Variants in CWF19L2 observed in about 807,000 individuals in gnomAD.
CWF19L2 encodes CWF19 like cell cycle control factor 2.
A neutral mutation model predicts 111.7 loss-of-function variants in CWF19L2; 98 were observed. The observed-to-expected ratio is 0.88, with a 90% CI of 0.75 to 1.04. The LOEUF is 1.04. Among genes scored for constraint, CWF19L2 ranks in the 50% least tolerant of loss-of-function variants. The pLI, the probability that CWF19L2 is intolerant of heterozygous loss-of-function variation, is 0.00. For synonymous variants in CWF19L2, 351 were observed against 342.9 expected (o/e 1.02, Z -0.26); for missense variants, 1,101 against 1,051.4 (o/e 1.05, Z -0.65).
intron 2 of CWF19L2, among the ~76,000 whole-genome samples, chr11:107,454,988 C>T (rs1391485116): frequency 1.3e-5 from 2 of 151,870 alleles, no homozygotes; most frequent in African/African-American, 4.8e-5. Flanking sequence ...CAAGATAGCA[C>T]AAATTAAAAT....
intron 12 of CWF19L2, among the ~76,000 whole-genome samples, chr11:107,380,046 C>CAAAAAAAAAAAA (rs66699460): frequency 6.4e-4 from 22 of 34,484 alleles, no homozygotes; most frequent in East Asian, 1.1e-3. Context: ...GACACCGTCT[C>CAAAAAAAAAAAA]AAAAAAAAAA....
At chr11:107,359,189 A>G (rs1178531029) in intron 12 of CWF19L2, among the ~76,000 whole-genome samples, 1 of 152,198 alleles carries the variant, frequency 6.6e-6, no homozygotes, top group Non-Finnish European at 1.5e-5. Context: ...GCCCGATAGG[A>G]TAACTCTCCC....
At chr11:107,346,799 C>T (rs565574102) in intron 14 of CWF19L2, among the ~76,000 whole-genome samples, 1 of 152,304 alleles carries the variant, frequency 6.6e-6, no homozygotes, top group East Asian at 1.9e-4. Flanking sequence ...TTCAACACTG[C>T]CACCTCCAGC....
intron 12 of CWF19L2, among the ~76,000 whole-genome samples, chr11:107,360,411 A>G (rs1565252415): frequency 1.3e-5 from 2 of 152,376 alleles, no homozygotes; most frequent in Non-Finnish European, 2.9e-5. Flanking sequence ...TGATTACATT[A>G]TCTTTAATCT....
chr11:107,401,518 C>T (rs1478514669), intron 10 of CWF19L2, among the ~76,000 whole-genome samples: 1 of 151,874 alleles, frequency 6.6e-6, no homozygotes, highest in Non-Finnish European at 1.5e-5. Flanking sequence ...AGGAATATAC[C>T]TAACAAAAGA....
At chr11:107,452,891 T>C (rs1400862932) in intron 3 of CWF19L2, among the ~76,000 whole-genome samples, 1 of 152,086 alleles carries the variant, frequency 6.6e-6, no homozygotes, top group Non-Finnish European at 1.5e-5. Context: ...GCAGCAGGAT[T>C]GCTTGAGCCC....
chr11:107,453,317 T>C (rs1481328591), intron 3 of CWF19L2, among the ~76,000 whole-genome samples: 1 of 152,104 alleles, frequency 6.6e-6, no homozygotes, highest in Admixed American at 6.5e-5. Context: ...AATGGACAGG[T>C]GGTTGGGGGG....
intron 12 of CWF19L2, among the ~76,000 whole-genome samples, chr11:107,377,999 A>G (rs1860619469): frequency 6.6e-6 from 1 of 152,034 alleles, no homozygotes. Context: ...TTATGCAGCC[A>G]AAAAACACAT....
At chr11:107,431,399 T>C (rs969248920) in intron 7 of CWF19L2, among the ~76,000 whole-genome samples, 1 of 151,934 alleles carries the variant, frequency 6.6e-6, no homozygotes, top group Non-Finnish European at 1.5e-5. Flanking sequence ...GCATAATAAC[T>C]GCACAGAGAA....
At chr11:107,341,382 G>T (rs1860002789) in intron 14 of CWF19L2, among the ~76,000 whole-genome samples, 1 of 152,096 alleles carries the variant, frequency 6.6e-6, no homozygotes, top group South Asian at 2.1e-4. Flanking sequence ...GAACATGGTG[G>T]ATTATAATGA....
intron 12 of CWF19L2, among the ~76,000 whole-genome samples, chr11:107,384,556 C>T (rs1007521934): frequency 6.6e-6 from 1 of 152,124 alleles, no homozygotes; most frequent in Non-Finnish European, 1.5e-5. Context: ...TATCTAAATT[C>T]AAATACATTT....
chr11:107,416,424 T>C lies in CWF19L2; in HGVS notation c.1528-126A>G, dbSNP rs117190574. The C allele has an allele frequency of 4.2e-3, 1,600 of 380,414 alleles. 41 individuals carry two copies. In the East Asian group the frequency reaches 0.051, roughly 12 times the overall value. 23.6% of individuals were successfully genotyped at this position (380,414 alleles called of 1,614,324 possible). A position where few individuals can be genotyped will look rare whatever the true frequency, so the allele number is the denominator to read the frequency against. ...ACACTCATGTAGCCTTCATCTAATT[T>C]CAATTACCAACCCATAGCCTAGTAT... is the stretch of plus-strand genomic sequence containing the variant. On this transcript the variant is annotated intron_variant, in intron 9 of 17. Coordinates refer to ENST00000282251, the MANE Select transcript of CWF19L2 (RefSeq NM_152434.3).
chr11:107,331,600 T>C (rs545724585), intron 16 of CWF19L2, among the ~76,000 whole-genome samples: 7 of 152,352 alleles, frequency 4.6e-5, no homozygotes, highest in Admixed American at 1.3e-4. Flanking sequence ...GCAGGCATGC[T>C]GACACCTTGA....
At chr11:107,438,271 A>G (rs1390067756) in intron 6 of CWF19L2, among the ~76,000 whole-genome samples, 1 of 152,224 alleles carries the variant, frequency 6.6e-6, no homozygotes, top group African/African-American at 2.4e-5. Context: ...AGGTGTCAGC[A>G]CAACACTTAA....
chr11:107,439,035 G>GAA (rs375132996), intron 6 of CWF19L2, 55 bp downstream of exon 6: 91,453 of 286,510 alleles, frequency 0.32, 9,191 homozygotes, highest in African/African-American at 0.5. Flanking sequence ...ACTCTGTCTC[G>GAA]AAAAAAAAAA....
chr11:107,441,448 T>C, intron 5 of CWF19L2, 55 bp downstream of exon 5: 4 of 1,403,456 alleles, frequency 2.9e-6, no homozygotes, highest in Non-Finnish European at 3.7e-6. Flanking sequence ...ATAAATGTCT[T>C]GTAAGTTTAT....
chr11:107,395,001 G>A (rs766685913), intron 10 of CWF19L2, among the ~76,000 whole-genome samples: 1 of 152,186 alleles, frequency 6.6e-6, no homozygotes, highest in Non-Finnish European at 1.5e-5. Flanking sequence ...AATCCATGAT[G>A]AGGTAAGTAT....
intron 12 of CWF19L2, among the ~76,000 whole-genome samples, chr11:107,385,205 A>T (rs1177940907): frequency 6.6e-6 from 1 of 152,190 alleles, no homozygotes; most frequent in Non-Finnish European, 1.5e-5. Flanking sequence ...TGAACTAAAA[A>T]TCCCAATGTG....
chr11:107,447,379 T>A (rs1252994418), intron 3 of CWF19L2, among the ~76,000 whole-genome samples: 4 of 152,084 alleles, frequency 2.6e-5, no homozygotes. Context: ...ATGCTGAGGA[T>A]GAGAGTCCAC....
Sources: gnomAD v4.1 joint callset for allele counts (sites outside exome capture counted in the v4.1 genomes callset) on GRCh38, gnomAD v4.1.1 for gene constraint, MANE v1.5 for transcripts, NCBI Gene and HGNC (gene_info 2026-07-23, HGNC 2026-07-21) for gene names.